GDAP1: variants seen among roughly 807,000 people sequenced by gnomAD.
The protein encoded by GDAP1 is ganglioside induced differentiation associated protein 1.
Under a neutral mutation model 40.1 loss-of-function variants are expected in GDAP1, and 34 were observed. The ratio of observed to expected loss-of-function variants is 0.85; its 90% CI spans 0.64 to 1.13. The LOEUF (loss-of-function observed/expected upper bound fraction) is 1.13. GDAP1 is among the 50% of genes most tolerant of loss of function. The pLI, the probability that GDAP1 is intolerant of heterozygous loss-of-function variation, is 0.00. For missense variants in GDAP1, 374 were observed against 433.7 expected, an observed-to-expected ratio of 0.86 and a Z score of 1.22; for synonymous variants, 170 against 157.4, an observed-to-expected ratio of 1.08 and a Z score of -0.60.
At chr8:74,476,355 G>T (rs1339817662) in intron 2 of GDAP1, among the ~76,000 whole-genome samples, 3 of 152,124 alleles carry the variant, frequency 2.0e-5, no homozygotes, top group African/African-American at 7.2e-5. Context: ...ATGTCATCTT[G>T]TTTGTGTGGT....
chr8:74,437,867 A>T (rs1226535482), intron 2 of GDAP1, among the ~76,000 whole-genome samples: 1 of 152,220 alleles, frequency 6.6e-6, no homozygotes, highest in Non-Finnish European at 1.5e-5. Flanking sequence ...GCTAATGGAC[A>T]TATAGACTGT....
intron 2 of GDAP1, among the ~76,000 whole-genome samples, chr8:74,461,656 T>C (rs1806402474): frequency 6.6e-6 from 1 of 152,240 alleles, no homozygotes; most frequent in African/African-American, 2.4e-5. Flanking sequence ...TTGCTCATGT[T>C]CCACATGTTT....
At chr8:74,481,604 C>T (rs1409660121) in intron 2 of GDAP1, among the ~76,000 whole-genome samples, 3 of 152,202 alleles carry the variant, frequency 2.0e-5, no homozygotes, top group Non-Finnish European at 2.9e-5. Flanking sequence ...GCAATAACAA[C>T]TCCCTTTCTA....
intron 2 of GDAP1, among the ~76,000 whole-genome samples, chr8:74,438,412 C>T (rs1214244501): frequency 1.3e-5 from 2 of 152,138 alleles, no homozygotes; most frequent in East Asian, 3.9e-4. Context: ...CCAAGTTAGA[C>T]CTGTCAGACT....
chr8:74,443,620 G>A (rs1806191015), intron 2 of GDAP1, among the ~76,000 whole-genome samples: 1 of 152,118 alleles, frequency 6.6e-6, no homozygotes. Flanking sequence ...GAACAACTTA[G>A]CGAGACTTCC....
chr8:74,362,958 A>G lies in GDAP1; in HGVS notation c.599A>G (p.Asp200Gly), dbSNP rs377712744. ...KRLKSKLLDH[D>G]NVKYLKKILD... ...AATTAGTCAAAGCTGCTTGATCATG[A>G]CAATGTCAAGTATTTGAAGAAAATT... Residue 200 changes from aspartate (D) to glycine (G), a missense_variant, in exon 5 of 6, where the codon GAC becomes GGC. Asp to Gly is a moderately conservative substitution (Grantham distance 94). Transcript: ENST00000220822. The G allele has an allele frequency of 3.2e-6, 5 of 1,539,270 alleles. No individual in the cohort carries two copies. The African/African-American group carries it at 4.1e-5, about 13-fold the overall frequency.
chr8:74,408,862 G>A (rs1402099518), intron 2 of GDAP1, among the ~76,000 whole-genome samples: 4 of 149,958 alleles, frequency 2.7e-5, no homozygotes, highest in Non-Finnish European at 4.4e-5. Context: ...TTCCCCACTG[G>A]AATCCTGAGG....
At chr8:74,435,072 A>G in intron 2 of GDAP1, among the ~76,000 whole-genome samples, 1 of 152,338 alleles carries the variant, frequency 6.6e-6, no homozygotes, top group South Asian at 2.1e-4. Context: ...TATTCTACTA[A>G]CATGAAAGTA....
chr8:74,470,194 T>G (rs905406080), intron 2 of GDAP1, among the ~76,000 whole-genome samples: 1 of 152,148 alleles, frequency 6.6e-6, no homozygotes, highest in African/African-American at 2.4e-5. Context: ...TGGTGTTAAG[T>G]AAAGTGATTT....
intron 2 of GDAP1, among the ~76,000 whole-genome samples, chr8:74,423,005 A>G (rs1460552212): frequency 1.3e-5 from 2 of 148,678 alleles, no homozygotes; most frequent in Non-Finnish European, 3.0e-5. Flanking sequence ...AATCTATGTA[A>G]AATAGTATCT....
intron 2 of GDAP1, among the ~76,000 whole-genome samples, chr8:74,428,888 C>T (rs527587552): frequency 1.3e-4 from 19 of 143,456 alleles, no homozygotes; most frequent in Middle Eastern, 3.4e-3. Flanking sequence ...CAACAGGCCC[C>T]GGTGTGTGAT....
chr8:74,466,409 G>A (rs867464789), intron 2 of GDAP1, among the ~76,000 whole-genome samples: 5 of 152,262 alleles, frequency 3.3e-5, no homozygotes, highest in South Asian at 4.1e-4. Context: ...TGAAGAGGAC[G>A]AAGGTAGATG....
chr8:74,389,239 G>T (rs1266266198), intron 2 of GDAP1, among the ~76,000 whole-genome samples: 2 of 151,996 alleles, frequency 1.3e-5, no homozygotes, highest in African/African-American at 4.8e-5. Flanking sequence ...TGGTTATTTT[G>T]CACATTAATT....
Position 74,438,571 on chromosome 8 carries a change from G to T in GDAP1, c.166-50107G>T, listed in dbSNP as rs1806121972. ...TTCCTGATGTGTATGTAAATTGTCT[G>T]CTTAAATTCATTGCCCATTTATCTA... On this transcript the variant is annotated intron_variant, in intron 2 of 2. Transcript: ENST00000523640. Among the ~76,000 whole-genome samples, 3 of 152,092 alleles carry T rather than the reference G, an allele frequency of 2.0e-5. No individual in the cohort carries two copies. The South Asian group carries it at 6.2e-4, about 32-fold the overall frequency.
Position 74,382,376 on chromosome 8 carries a change from G to GTTTTTT in GDAP1, c.165+31063_165+31068dup, listed in dbSNP as rs5892456. On this transcript the variant is annotated intron_variant, in intron 2 of 2. Coordinates refer to the GDAP1 transcript ENST00000523640. ...ATAGGAAGTTTCCTCATTGCTAGTGGTTTTTTTTTTTTTCTAGATCTTTTC... is the reference window on the plus strand; with the variant it reads ...ATAGGAAGTTTCCTCATTGCTAGTGGTTTTTTTTTTTTTTTTTTTCTAGATCTTTTC... Among the ~76,000 whole-genome samples, 26 of 141,940 alleles carry GTTTTTT rather than the reference G, an allele frequency of 1.8e-4. 2 individuals carry two copies. The highest frequency in any genetic ancestry group is 2.9e-4 in the African/African-American group (11 of 38,372). 93.1% of individuals were successfully genotyped at this position (141,940 alleles called of 152,430 possible). A position where few individuals can be genotyped will look rare whatever the true frequency, so the allele number is the denominator to read the frequency against.
At chr8:74,462,889 A>G (rs1362441531) in intron 2 of GDAP1, among the ~76,000 whole-genome samples, 1 of 151,730 alleles carries the variant, frequency 6.6e-6, no homozygotes, top group Non-Finnish European at 1.5e-5. Context: ...GTTGAAATCA[A>G]TACAAATACA....
At chr8:74,399,860 T>C (rs1810290966) in intron 2 of GDAP1, among the ~76,000 whole-genome samples, 4 of 142,514 alleles carry the variant, frequency 2.8e-5, no homozygotes, top group Admixed American at 2.7e-4. Context: ...TTGAGCGGTT[T>C]TGAGTGAGTT....
intron 2 of GDAP1, among the ~76,000 whole-genome samples, chr8:74,397,164 G>T (rs1455696820): frequency 4.0e-5 from 6 of 150,738 alleles, no homozygotes; most frequent in African/African-American, 1.5e-4. Context: ...CTCTTGAGAA[G>T]TGTCTGTTCA....
chr8:74,404,830 G>C (rs1286564215), intron 2 of GDAP1, among the ~76,000 whole-genome samples: 1 of 149,712 alleles, frequency 6.7e-6, no homozygotes, highest in African/African-American at 2.6e-5. Context: ...AGTGTCCATG[G>C]GGGATTGTTT....
Sources: gnomAD v4.1 joint callset for allele counts (sites outside exome capture counted in the v4.1 genomes callset) on GRCh38, gnomAD v4.1.1 for gene constraint, MANE v1.5 for transcripts, NCBI Gene and HGNC (gene_info 2026-07-23, HGNC 2026-07-21) for gene names.